LRRC69: variants seen among roughly 807,000 people sequenced by gnomAD.
LRRC69 encodes leucine-rich repeat-containing protein 69.
LRRC69 carries 42 observed loss-of-function variants against 37.8 expected under a neutral mutation model. That is an observed-to-expected ratio of 1.11 (90% CI 0.87 to 1.44). The LOEUF (loss-of-function observed/expected upper bound fraction) is 1.44, where lower values mean the gene tolerates loss of function less well. LRRC69 is among the 40% of genes most tolerant of loss of function. The pLI, the probability that LRRC69 is intolerant of heterozygous loss-of-function variation, is 0.00. For missense variants in LRRC69, 357 were observed against 401.9 expected (o/e 0.89, Z 0.96); for synonymous variants, 141 against 143.1 (o/e 0.99, Z 0.11).
intron 1 of LRRC69, among the ~76,000 whole-genome samples, chr8:91,109,580 C>T (rs1563592000): frequency 6.6e-6 from 1 of 151,974 alleles, no homozygotes; most frequent in East Asian, 1.9e-4. Flanking sequence ...CTTATTCTTT[C>T]CTTATGAAGC....
rs184894253 is a variant in LRRC69 at position 91,213,114 on chromosome 8, C to T, written c.934-5776C>T. On this transcript the variant is annotated intron_variant, in intron 7 of 7. Transcript: ENST00000448384. ...GTGTATCATCAAAATGTTGAAAATT[C>T]CTTGTGAAATTCAGAGGATATTGAT... Among the ~76,000 whole-genome samples the T allele has an allele frequency of 6.4e-3, 968 of 151,942 alleles. 6 individuals carry two copies. The highest frequency in any genetic ancestry group is 0.01 in the Non-Finnish European group (705 of 67,966).
At position 91,157,925 on chromosome 8, in the gene LRRC69, C is replaced by T. The variant is rs56824850; in HGVS notation, c.651+22186C>T. On this transcript the variant is annotated intron_variant, in intron 5 of 7. Coordinates refer to ENST00000448384, the Ensembl canonical transcript of LRRC69. ...CTCAAAGTACAAGAAAGTTGTGTAT[C>T]GGCAGTATACTGATTGCACGTTCCG... is the stretch of plus-strand genomic sequence containing the variant. 5,218 of 1,525,848 alleles carry T rather than the reference C, an allele frequency of 3.4e-3. 153 individuals carry two copies. The African/African-American group carries it at 0.063, about 18-fold the overall frequency. 94.5% of individuals were successfully genotyped at this position (1,525,848 alleles called of 1,614,324 possible).
At chr8:91,153,997 G>A (rs763878120) in intron 5 of LRRC69, among the ~76,000 whole-genome samples, 8 of 151,502 alleles carry the variant, frequency 5.3e-5, no homozygotes, top group African/African-American at 9.7e-5. Flanking sequence ...AAAGGGAGAA[G>A]AATCAAATAG....
chr8:91,209,762 A>G (rs769601024), intron 7 of LRRC69, among the ~76,000 whole-genome samples: 3 of 152,244 alleles, frequency 2.0e-5, no homozygotes, highest in Non-Finnish European at 2.9e-5. Context: ...TTGTTACTGC[A>G]TGATGAACCT....
At chr8:91,111,196 A>G (rs967394273) in intron 1 of LRRC69, among the ~76,000 whole-genome samples, 16 of 152,096 alleles carry the variant, frequency 1.1e-4, no homozygotes, top group Admixed American at 6.6e-5. Context: ...CTGGATAAAG[A>G]AAATGTGGTA....
At chr8:91,107,177 C>T (rs1345705452) in intron 1 of LRRC69, among the ~76,000 whole-genome samples, 1 of 151,650 alleles carries the variant, frequency 6.6e-6, no homozygotes, top group Non-Finnish European at 1.5e-5. Flanking sequence ...CTCTGTCACC[C>T]AGGCTGGAGT....
intron 5 of LRRC69, among the ~76,000 whole-genome samples, chr8:91,174,249 A>G (rs1563614200): frequency 6.6e-6 from 1 of 152,164 alleles, no homozygotes; most frequent in Non-Finnish European, 1.5e-5. Flanking sequence ...CTAGTCTACT[A>G]TTAAGTACAG....
At chr8:91,141,470 G>A (rs1234888238) in intron 5 of LRRC69, among the ~76,000 whole-genome samples, 1 of 152,030 alleles carries the variant, frequency 6.6e-6, no homozygotes, top group Non-Finnish European at 1.5e-5. Context: ...AGAACATTGA[G>A]TTTATTACTC....
At chr8:91,118,821 C>T (rs930470930) in intron 1 of LRRC69, among the ~76,000 whole-genome samples, 1 of 152,084 alleles carries the variant, frequency 6.6e-6, no homozygotes, top group South Asian at 2.1e-4. Context: ...ACACTGCCTA[C>T]ATTCTTTCTG....
chr8:91,202,051 C>T (rs904278099), intron 7 of LRRC69, among the ~76,000 whole-genome samples: 2 of 151,874 alleles, frequency 1.3e-5, no homozygotes, highest in South Asian at 2.1e-4. Flanking sequence ...ACTAAAAATA[C>T]AAAAATTACC....
At chr8:91,210,081 A>G (rs1414524846) in intron 7 of LRRC69, among the ~76,000 whole-genome samples, 1 of 152,166 alleles carries the variant, frequency 6.6e-6, no homozygotes, top group Admixed American at 6.5e-5. Flanking sequence ...CAGAACCAAC[A>G]ACGACTTTGG....
intron 5 of LRRC69, chr8:91,157,885 A>G: frequency 1.3e-6 from 2 of 1,591,816 alleles, no homozygotes; most frequent in Non-Finnish European, 1.7e-6. Flanking sequence ...TAGATAAGGG[A>G]GAGTTTTACA....
At chr8:91,132,144 A>G (rs541429382) in intron 3 of LRRC69, among the ~76,000 whole-genome samples, 3 of 152,010 alleles carry the variant, frequency 2.0e-5, no homozygotes, top group East Asian at 1.9e-4. Flanking sequence ...CATTACTTCA[A>G]TCTTAACACA....
intron 5 of LRRC69, among the ~76,000 whole-genome samples, chr8:91,148,914 A>T (rs1448575743): frequency 6.6e-6 from 1 of 151,744 alleles, no homozygotes; most frequent in African/African-American, 2.4e-5. Flanking sequence ...TCGTTCACCC[A>T]CTTTTTGATG....
At chr8:91,163,389 A>G (rs1808978595) in intron 5 of LRRC69, among the ~76,000 whole-genome samples, 1 of 151,478 alleles carries the variant, frequency 6.6e-6, no homozygotes, top group Non-Finnish European at 1.5e-5. Flanking sequence ...TAATAAGCAT[A>G]CATAATAAGC....
chr8:91,175,837 A>G (rs983981372), intron 5 of LRRC69, among the ~76,000 whole-genome samples: 2 of 149,214 alleles, frequency 1.3e-5, no homozygotes, highest in South Asian at 4.4e-4. Context: ...TGAGCAGGGG[A>G]GTGATATAAT....
downstream of LRRC69, chr8:91,219,084 A>G (rs1021570254): frequency 3.0e-5 from 17 of 570,578 alleles, no homozygotes; most frequent in Non-Finnish European, 4.5e-5. Context: ...TTAAGATACC[A>G]TGCCTGTTCT....
At chr8:91,214,155 G>GA (rs1183527303) in intron 7 of LRRC69, among the ~76,000 whole-genome samples, 1 of 152,062 alleles carries the variant, frequency 6.6e-6, no homozygotes, top group African/African-American at 2.4e-5. Flanking sequence ...TGTGGTGGTG[G>GA]AAAAGCAAGG....
At position 91,102,786 on chromosome 8, in the gene LRRC69, T is replaced by C. The variant is rs1456716286; in HGVS notation, c.125T>C (p.Leu42Pro). 3.2e-6 allele frequency: 5 copies of C among 1,551,784 alleles called. No homozygotes were observed. The Admixed American group carries it at 7.9e-5, about 24-fold the overall frequency. Residue 42 changes from leucine to proline, a missense_variant, in exon 1 of 8, where the codon CTA becomes CCA. By Grantham distance (98) the Leu-to-Pro change is moderately conservative. Coordinates refer to ENST00000448384, the Ensembl canonical transcript of LRRC69. ...GGAAAACTGCCTGGCCTGAAGACTCTAGTCCTTCAGAATAACCTAATCCCC... is the reference window on the plus strand; with the variant it reads ...GGAAAACTGCCTGGCCTGAAGACTCCAGTCCTTCAGAATAACCTAATCCCC...
Sources: allele counts gnomAD v4.1 joint callset (sites outside exome capture counted in the v4.1 genomes callset), GRCh38; gene constraint gnomAD v4.1.1; transcripts MANE v1.5; gene names NCBI Gene and HGNC (gene_info 2026-07-23, HGNC 2026-07-21).